The following SIGLEC12 variants were observed in gnomAD, a reference collection of about 807,000 sequenced individuals.
SIGLEC12 encodes the protein sialic acid-binding Ig-like lectin 12.
SIGLEC12 carries 43 observed loss-of-function variants against 54.1 expected under a neutral mutation model. The ratio of observed to expected loss-of-function variants is 0.80; its 90% CI spans 0.62 to 1.03. The LOEUF (loss-of-function observed/expected upper bound fraction) is 1.03, where lower values mean the gene tolerates loss of function less well. Among genes scored for constraint, SIGLEC12 ranks in the 50% least tolerant of loss-of-function variants. The pLI, the probability that SIGLEC12 is intolerant of heterozygous loss-of-function variation, is 0.00. For synonymous variants in SIGLEC12, 357 were observed against 307.6 expected (o/e 1.16, Z -1.68); for missense variants, 802 against 735.2 (o/e 1.09, Z -1.05).
At chr19:51,492,660 G>A (rs1400142433) in intron 7 of SIGLEC12, among the ~76,000 whole-genome samples, 1 of 152,120 alleles carries the variant, frequency 6.6e-6, no homozygotes, top group Non-Finnish European at 1.5e-5. Context: ...AAAGGAGGAG[G>A]GCATAGATAG....
At position 51,500,124 on chromosome 19, in the gene SIGLEC12, G is replaced by T; in HGVS notation, c.604C>A (p.Pro202Thr). 1 of 1,614,108 alleles carries T rather than the reference G, an allele frequency of 6.2e-7. No individual in the cohort carries two copies. Among genetic ancestry groups the T allele is most frequent in the Non-Finnish European group, 8.5e-7 (1 of 1,180,012 alleles). ...KEGADIPWDI[P>T]VATNTPSGKV... ...CCACTTGGGGTGTTTGTGGCCACTG[G>T]AATATCCCATGGTATATCGGCCCCT... The change falls in exon 2 of 8, where the codon CCA becomes ACA. Residue 202 changes from proline to threonine, a missense_variant. Physicochemically the swap from Pro to Thr is conservative, Grantham distance 38. Transcript: ENST00000291707.
At chr19:51,492,217 A>G (rs1331863725) in intron 7 of SIGLEC12, among the ~76,000 whole-genome samples, 1 of 152,090 alleles carries the variant, frequency 6.6e-6, no homozygotes, top group African/African-American at 2.4e-5. Context: ...TGGGTGCTGG[A>G]TGGACTGTGG....
intron 7 of SIGLEC12, among the ~76,000 whole-genome samples, chr19:51,496,633 C>A (rs771342899): frequency 2.6e-5 from 4 of 152,064 alleles, no homozygotes; most frequent in Non-Finnish European, 5.9e-5. Flanking sequence ...TCCCTCCAGG[C>A]CGGGAAGGGG....
chr19:51,495,465 T>TTGGA (rs1990219111), intron 7 of SIGLEC12, among the ~76,000 whole-genome samples: 1 of 123,758 alleles, frequency 8.1e-6, no homozygotes, highest in African/African-American at 3.1e-5. Context: ...GGGTGGGTGG[T>TTGGA]TGGATGGATG....
rs1379431286 is a variant in SIGLEC12 at position 51,501,606 on chromosome 19, A to G, written c.128T>C (p.Leu43Pro). The change falls in exon 1 of 8, where the codon CTT becomes CCT. Residue 43 changes from leucine (L) to proline (P), a missense_variant. Coordinates refer to ENST00000291707, the MANE Select transcript of SIGLEC12 (RefSeq NM_053003.4). ...TVQEGLCVSV[L>P]CSFSYPQNGW... Reference sequence around the variant, plus strand: ...ATTTTGGGGGTAGGAGAAGGAGCAAAGCACAGAGACACACAGGCCCTCCTG... The same window carrying G: ...ATTTTGGGGGTAGGAGAAGGAGCAAGGCACAGAGACACACAGGCCCTCCTG... 1.2e-6 allele frequency: 2 copies of G among 1,614,068 alleles called. No homozygotes were observed. The highest frequency in any genetic ancestry group is 2.2e-5 in the South Asian group (2 of 91,078).
chr19:51,497,291 G>A (rs530118147), intron 6 of SIGLEC12, 58 bp downstream of exon 6: 1 of 1,486,086 alleles, frequency 6.7e-7, no homozygotes, highest in Admixed American at 1.7e-5. Flanking sequence ...TGGCTTCAGG[G>A]ATTTTGTTCC....
chr19:51,497,956 C>T (rs1025796204), intron 5 of SIGLEC12, 62 bp downstream of exon 5: 48 of 1,588,618 alleles, frequency 3.0e-5, no homozygotes, highest in Non-Finnish European at 4.0e-5. Flanking sequence ...TTCCAGGTCT[C>T]CCAGCTGGAC....
intron 7 of SIGLEC12, 68 bp from the exon 8 acceptor site, chr19:51,491,897 G>A: frequency 2.3e-6 from 3 of 1,325,918 alleles, no homozygotes; most frequent in Non-Finnish European, 3.0e-6. Flanking sequence ...GAGCATCCAG[G>A]AAGGAGGCCC....
At chr19:51,498,382 A>T (rs1355613020) in intron 4 of SIGLEC12, 95 bp from the exon 5 acceptor site, 26 of 1,093,662 alleles carry the variant, frequency 2.4e-5, no homozygotes, top group Non-Finnish European at 3.2e-5. Context: ...ACAGACACTG[A>T]TACATGCTGA....
rs201671422 is a variant in SIGLEC12, at chr19:51,497,396, A to G, written c.1455T>C (p.Ala485=). 3.7e-6 allele frequency: 6 copies of G among 1,613,220 alleles called. No homozygotes were observed. Among genetic ancestry groups the G allele is most frequent in the Non-Finnish European group, 5.1e-6 (6 of 1,179,312 alleles). ...ACAGGAAGACCAGGGCTGTGGCTCC[A>G]GCTCCCCCGAATGCCCCTAGCGTCA... ...SGVTLGAFGG[A]GATALVFLYF... Residue 485 remains alanine (A), a synonymous_variant, in exon 6 of 8, where the codon GCT becomes GCC. Coordinates refer to ENST00000291707, the MANE Select transcript of SIGLEC12 (RefSeq NM_053003.4).
At position 51,496,991 on chromosome 19, in the gene SIGLEC12, C is replaced by A. The variant is rs1341833328; in HGVS notation, c.1503-15G>T. The A allele has an allele frequency of 3.1e-6, 5 of 1,612,672 alleles. No homozygotes were observed. The South Asian group carries it at 5.5e-5, about 18-fold the overall frequency. On this transcript the variant is annotated splice_polypyrimidine_tract_variant and intron_variant, in intron 6 of 7. Coordinates refer to ENST00000291707, the MANE Select transcript of SIGLEC12 (RefSeq NM_053003.4). ...AGGACCTCACTCTGAGTGAAGAGAC[C>A]AGAGAGCCTTTCAGTGTGGTCAGAT...
intron 7 of SIGLEC12, among the ~76,000 whole-genome samples, chr19:51,494,710 C>A (rs2122207294): frequency 6.6e-6 from 1 of 152,264 alleles, no homozygotes; most frequent in South Asian, 2.1e-4. Flanking sequence ...GTGGAAGCAA[C>A]CCAAGTGTAC....
Position 51,501,566 on chromosome 19 carries a change from G to T in SIGLEC12, c.168C>A (p.Ser56=), listed in dbSNP as rs780128292. 5.6e-6 allele frequency: 9 copies of T among 1,613,878 alleles called. No individual in the cohort carries two copies. The East Asian group carries it at 2.0e-4, about 36-fold the overall frequency. The change falls in exon 1 of 8, where the codon TCC becomes TCA. Residue 56 remains serine, a synonymous_variant. Coordinates refer to ENST00000291707, the MANE Select transcript of SIGLEC12 (RefSeq NM_053003.4). ...GGAACCAGTAGCCATGAACTGGATC[G>T]GAGGCAGTCCAGCCATTTTGGGGGT... is the stretch of plus-strand genomic sequence containing the variant. ...FSYPQNGWTA[S]DPVHGYWFRA...
intron 5 of SIGLEC12, among the ~76,000 whole-genome samples, chr19:51,497,738 T>C (rs1990279594): frequency 6.6e-6 from 1 of 152,236 alleles, no homozygotes; most frequent in African/African-American, 2.4e-5. Context: ...CTGAGTTGTT[T>C]TATTTTTGGT....
At chr19:51,496,857 G>C (rs1435855556) in intron 7 of SIGLEC12, 23 bp downstream of exon 7, 1 of 1,611,298 alleles carries the variant, frequency 6.2e-7, no homozygotes, top group Non-Finnish European at 8.5e-7. Context: ...GGGGAGAAGG[G>C]CTGTGATTCA....
At chr19:51,494,531 G>C (rs112720443) in intron 7 of SIGLEC12, among the ~76,000 whole-genome samples, 1 of 152,322 alleles carries the variant, frequency 6.6e-6, no homozygotes, top group African/African-American at 2.4e-5. Context: ...AAATAGTGTA[G>C]CCACTGTGGA....
Position 51,501,644 on chromosome 19 carries a change from C to T in SIGLEC12, c.90G>A (p.Lys30=). ...EQKDYLLTMQ[K]SVTVQEGLCV... ...ACAGGCCCTCCTGCACCGTCACGGA[C>T]TTCTGCATTGTCAGCAGGTAATCCT... The change falls in exon 1 of 8, where the codon AAG becomes AAA. Residue 30 remains lysine (K), a synonymous_variant. Transcript: ENST00000291707. 6.2e-7 allele frequency: 1 copy of T among 1,614,214 alleles called. No homozygotes were observed. The highest frequency in any genetic ancestry group is 1.7e-5 in the Admixed American group (1 of 60,026).
Position 51,498,224 on chromosome 19 carries a change from A to C in SIGLEC12, c.1199T>G (p.Val400Gly). 11 of 1,614,140 alleles carry C rather than the reference A, an allele frequency of 6.8e-6. No homozygotes were observed. Among genetic ancestry groups the C allele is most frequent in the Non-Finnish European group, 9.3e-6 (11 of 1,179,980 alleles). The change falls in exon 5 of 8, where the codon GTC becomes GGC. Residue 400 changes from valine (V) to glycine (G), a missense_variant. Physicochemically the swap from Val to Gly is moderately radical, Grantham distance 109. Transcript: ENST00000291707. ...AGGGGGATTGCTGTCGACAGCACAG[A>C]CAAGGTGCAGGGACTGGCCCTCCAG... ...SVLEGQSLHL[V>G]CAVDSNPPAR... is the part of the protein sequence containing the mutation.
chr19:51,501,530 G>A lies in SIGLEC12; in HGVS notation c.204C>T (p.Asp68=), dbSNP rs762598361. Residue 68 remains aspartate (D), a synonymous_variant, in exon 1 of 8, where the codon GAC becomes GAT. Coordinates refer to ENST00000291707, the MANE Select transcript of SIGLEC12 (RefSeq NM_053003.4). Reference sequence around the variant, plus strand: ...CCACTGGAATGTTCCGGCTTACATGGTCCCCTGCCCGGAACCAGTAGCCAT... The same window carrying A: ...CCACTGGAATGTTCCGGCTTACATGATCCCCTGCCCGGAACCAGTAGCCAT... ...PVHGYWFRAG[D]HVSRNIPVAT... The A allele has an allele frequency of 2.3e-5, 35 of 1,548,754 alleles. No individual in the cohort carries two copies. The highest frequency in any genetic ancestry group is 1.6e-4 in the East Asian group (7 of 43,998).
Sources: gnomAD v4.1 joint callset for allele counts (sites outside exome capture counted in the v4.1 genomes callset) on GRCh38, gnomAD v4.1.1 for gene constraint, MANE v1.5 for transcripts, NCBI Gene and HGNC (gene_info 2026-07-23, HGNC 2026-07-21) for gene names.